ADORA1: variants seen among roughly 807,000 people sequenced by gnomAD.
ADORA1 encodes adenosine A1 receptor.
In ADORA1, 6 loss-of-function variants were observed where a neutral mutation model predicts 19.9. The observed-to-expected ratio is 0.30, with a 90% CI of 0.17 to 0.59. The LOEUF (loss-of-function observed/expected upper bound fraction) is 0.59. Among genes scored for constraint, ADORA1 ranks in the 20% least tolerant of loss-of-function variants. The pLI, the probability that ADORA1 is intolerant of heterozygous loss-of-function variation, is 0.87. For synonymous variants in ADORA1, 194 were observed against 188.4 expected, an observed-to-expected ratio of 1.03 and a Z score of -0.24; for missense variants, 302 against 439.2, an observed-to-expected ratio of 0.69 and a Z score of 2.79.
At chr1:203,136,803 A>G (rs1209530705) in intron 3 of ADORA1, among the ~76,000 whole-genome samples, 1 of 152,212 alleles carries the variant, frequency 6.6e-6, no homozygotes, top group Non-Finnish European at 1.5e-5. Flanking sequence ...AGAGAAGGGC[A>G]GCTGATTTGT....
At chr1:203,134,978 C>T (rs1558127436) in intron 3 of ADORA1, among the ~76,000 whole-genome samples, 1 of 152,190 alleles carries the variant, frequency 6.6e-6, no homozygotes, top group African/African-American at 2.4e-5. Context: ...TTTTGGGTCT[C>T]AGCTAAAATG....
At chr1:203,148,862 C>T (rs1654942581) in intron 3 of ADORA1, among the ~76,000 whole-genome samples, 1 of 152,134 alleles carries the variant, frequency 6.6e-6, no homozygotes, top group African/African-American at 2.4e-5. Context: ...TCCCCAAGGC[C>T]CGTTACTACT....
chr1:203,128,187 G>A lies in ADORA1; in HGVS notation c.-212-91G>A. ...GGGCTCCGTCCCCAGACCCACGTCT[G>A]CCACCCCAGTCCCAGGTGCGAAACA... On this transcript the variant is annotated intron_variant, in intron 1 of 3. Transcript: ENST00000337894. The surrounding 1 kb of genome is among the most constrained non-coding windows in gnomAD (Gnocchi z 5.9). 1 of 522,944 alleles carries A rather than the reference G, an allele frequency of 1.9e-6. No individual in the cohort carries two copies. Among genetic ancestry groups the A allele is most frequent in the Non-Finnish European group, 3.0e-6 (1 of 333,680 alleles). 32.4% of individuals were successfully genotyped at this position (522,944 alleles called of 1,614,324 possible).
chr1:203,150,533 G>C (rs1654997597), intron 3 of ADORA1: 1 of 1,155,938 alleles, frequency 8.7e-7, no homozygotes. Context: ...TGGGTCCTGG[G>C]GTCCTTCCTG....
Position 203,165,252 on chromosome 1 carries a change from C to G in ADORA1, c.342-9C>G. ...GCAGATCCTCACACTCTGCCCTCCT[C>G]TCCCCCAGGTACAAGATGGTGGTGA... On this transcript the variant is annotated splice_polypyrimidine_tract_variant and intron_variant, in intron 3 of 3. Transcript: ENST00000337894. The surrounding 1 kb of genome is among the most constrained non-coding windows in gnomAD (Gnocchi z 5.9). 6.3e-7 allele frequency: 1 copy of G among 1,593,090 alleles called. No individual in the cohort carries two copies. Among genetic ancestry groups the G allele is most frequent in the Non-Finnish European group, 8.6e-7 (1 of 1,169,424 alleles).
chr1:203,161,572 A>ATT (rs34898677), intron 3 of ADORA1, among the ~76,000 whole-genome samples: 11 of 136,664 alleles, frequency 8.0e-5, no homozygotes, highest in African/African-American at 2.2e-4. Flanking sequence ...CCTCAGGGCT[A>ATT]TTTTTTTTTT....
chr1:203,153,333 G>A (rs1374781019), intron 3 of ADORA1, among the ~76,000 whole-genome samples: 2 of 152,178 alleles, frequency 1.3e-5, no homozygotes, highest in African/African-American at 2.4e-5. Context: ...CGCTCAGAAA[G>A]GGGCCTTGAA....
chr1:203,144,769 C>T (rs959091981), intron 3 of ADORA1: 3 of 152,232 alleles, frequency 2.0e-5, no homozygotes, highest in Non-Finnish European at 2.9e-5. Flanking sequence ...GCTCTTGGAA[C>T]AGGAGGGAGA....
intron 3 of ADORA1, among the ~76,000 whole-genome samples, chr1:203,134,431 A>G (rs1253557500): frequency 6.6e-6 from 1 of 152,240 alleles, no homozygotes; most frequent in Admixed American, 6.5e-5. Flanking sequence ...GTGTTAGGCC[A>G]AGCAGCTTGC....
chr1:203,163,268 G>A (rs541068449), intron 3 of ADORA1, among the ~76,000 whole-genome samples: 25 of 152,342 alleles, frequency 1.6e-4, no homozygotes, highest in African/African-American at 5.8e-4. Context: ...ACTTGCACAC[G>A]TAGTATCTCA....
chr1:203,148,754 T>A (rs1169677919), intron 3 of ADORA1, among the ~76,000 whole-genome samples: 1 of 152,204 alleles, frequency 6.6e-6, no homozygotes, highest in East Asian at 1.9e-4. Flanking sequence ...GAAGCCACTC[T>A]ATGCCTGTTC....
At position 203,143,808 on chromosome 1, in the gene ADORA1, CGGCATAAGTCTGTCCTCAAG is replaced by C. The variant is rs144124637; in HGVS notation, c.341+14633_341+14652del. On this transcript the variant is annotated intron_variant, in intron 3 of 3. Coordinates refer to ENST00000337894, the MANE Select transcript of ADORA1 (RefSeq NM_000674.3). ...GTTCAAGTCAACAAGTGTTTTCTGACGGCATAAGTCTGTCCTCAAGGGCATAGATCCACAGTCAGTGTGGA... is the reference window on the plus strand; with the variant it reads ...GTTCAAGTCAACAAGTGTTTTCTGACGGCATAGATCCACAGTCAGTGTGGA... Among the ~76,000 whole-genome samples the C allele has an allele frequency of 7.1e-4, 108 of 152,262 alleles. 3 individuals are homozygous for C. The East Asian group carries it at 0.015, about 22-fold the overall frequency.
chr1:203,158,997 C>T (rs1655281756), intron 3 of ADORA1, among the ~76,000 whole-genome samples: 1 of 152,218 alleles, frequency 6.6e-6, no homozygotes, highest in Non-Finnish European at 1.5e-5. Context: ...TAAAGTCCCA[C>T]CTTTCAACAT....
intron 3 of ADORA1, among the ~76,000 whole-genome samples, chr1:203,164,353 T>C (rs1220637643): frequency 6.6e-6 from 1 of 152,258 alleles, no homozygotes; most frequent in African/African-American, 2.4e-5. Flanking sequence ...TTTTATCTTA[T>C]TCTCAGCACA....
chr1:203,165,441 C>T lies in ADORA1; in HGVS notation c.522C>T (p.Val174=). 6.2e-7 allele frequency: 1 copy of T among 1,613,860 alleles called. No individual in the cohort carries two copies. The highest frequency in any genetic ancestry group is 8.5e-7 in the Non-Finnish European group (1 of 1,179,844). ...TGATCAAGTGCGAGTTCGAGAAGGTCATCAGCATGGAGTACATGGTCTACT... is the reference window on the plus strand; with the variant it reads ...TGATCAAGTGCGAGTTCGAGAAGGTTATCAGCATGGAGTACATGGTCTACT... The part of the protein sequence containing the change: ...EPVIKCEFEK[V]ISMEYMVYFN... Residue 174 remains valine (V), a synonymous_variant, in exon 4 of 4, where the codon GTC becomes GTT. Transcript: ENST00000337894. The surrounding 1 kb of genome is among the most constrained non-coding windows in gnomAD (Gnocchi z 5.9).
At chr1:203,131,091 G>A (rs895975910) in intron 3 of ADORA1, among the ~76,000 whole-genome samples, 4 of 152,176 alleles carry the variant, frequency 2.6e-5, no homozygotes, top group African/African-American at 9.7e-5. Context: ...TCATATATGC[G>A]AAGCACTTGT....
At chr1:203,142,729 G>A (rs1654733460) in intron 3 of ADORA1, among the ~76,000 whole-genome samples, 2 of 152,064 alleles carry the variant, frequency 1.3e-5, no homozygotes, top group African/African-American at 4.8e-5. Context: ...TGCTTCCAGG[G>A]TGTGAATAGT....
At chr1:203,149,268 T>C (rs980758292) in intron 3 of ADORA1, among the ~76,000 whole-genome samples, 2 of 152,188 alleles carry the variant, frequency 1.3e-5, no homozygotes, top group African/African-American at 4.8e-5. Flanking sequence ...ATAAGCTTCT[T>C]CCTCCCCCAC....
rs114860330 is a variant in ADORA1, at chr1:203,161,865, G to A, written c.342-3396G>A. ...GCCAGGATTACAGGCGTAAGCCACC[G>A]CGCCCGGCCCCCTCAGGGCTATCTT... On this transcript the variant is annotated intron_variant, in intron 3 of 3. Coordinates refer to ENST00000337894, the MANE Select transcript of ADORA1 (RefSeq NM_000674.3). 2.8e-3 allele frequency among the ~76,000 whole-genome samples: 422 copies of A among 151,934 alleles called. 3 individuals are homozygous for A. The highest frequency in any genetic ancestry group is 9.8e-3 in the African/African-American group (405 of 41,406).
Sources: allele counts gnomAD v4.1 joint callset (sites outside exome capture counted in the v4.1 genomes callset), GRCh38; gene constraint gnomAD v4.1.1; non-coding constraint Gnocchi (gnomAD v3.1); transcripts MANE v1.5; gene names NCBI Gene and HGNC (gene_info 2026-07-23, HGNC 2026-07-21).